Variants in THSD7A observed in about 807,000 individuals in gnomAD.
The protein encoded by THSD7A is thrombospondin type-1 domain-containing protein 7A.
A neutral mutation model predicts 231.3 loss-of-function variants in THSD7A; 96 were observed. That is an observed-to-expected ratio of 0.41 (90% CI 0.35 to 0.49). The LOEUF (loss-of-function observed/expected upper bound fraction) is 0.49. Among genes scored for constraint, THSD7A ranks in the 20% least tolerant of loss-of-function variants. The pLI, the probability that THSD7A is intolerant of heterozygous loss-of-function variation, is 0.05. For missense variants in THSD7A, 2,290 were observed against 2,070.2 expected, an observed-to-expected ratio of 1.11 and a Z score of -2.06; for synonymous variants, 940 against 743.3, an observed-to-expected ratio of 1.26 and a Z score of -4.30.
intron 2 of THSD7A, among the ~76,000 whole-genome samples, chr7:11,609,355 CACAATGTAATAAAAGA>C (rs1780843551): frequency 6.6e-6 from 1 of 151,926 alleles, no homozygotes; most frequent in Non-Finnish European, 1.5e-5. Context: ...CTTCATGGGA[CACAATGTAATAAAAGA>C]AAATCTAAAA....
chr7:11,470,892 C>T (rs1785911734), intron 8 of THSD7A, among the ~76,000 whole-genome samples: 2 of 151,808 alleles, frequency 1.3e-5, no homozygotes, highest in Non-Finnish European at 2.9e-5. Flanking sequence ...TATAAGCTTT[C>T]ACTTCTTAAG....
intron 1 of THSD7A, among the ~76,000 whole-genome samples, chr7:11,674,134 G>A (rs996794273): frequency 2.0e-5 from 3 of 151,978 alleles, no homozygotes; most frequent in African/African-American, 7.2e-5. Flanking sequence ...CCCTAAGGTA[G>A]GGTAGAGCAA....
chr7:11,829,987 C>A (rs1785147883), intron 1 of THSD7A, among the ~76,000 whole-genome samples: 1 of 152,120 alleles, frequency 6.6e-6, no homozygotes, highest in South Asian at 2.1e-4. Flanking sequence ...TTTTCACACA[C>A]TGCAGATAGG....
chr7:11,823,948 C>G (rs1336786271), intron 1 of THSD7A, among the ~76,000 whole-genome samples: 4 of 151,770 alleles, frequency 2.6e-5, no homozygotes, highest in African/African-American at 9.7e-5. Flanking sequence ...AAGATATAAA[C>G]AGTAGTGTTT....
Position 11,391,189 on chromosome 7 carries a change from C to T in THSD7A, c.4412-8573G>A, listed in dbSNP as rs1157733856. On this transcript the variant is annotated intron_variant, in intron 23 of 27. Transcript: ENST00000423059. ...GATGTTTAAGTCTGCCTAAGCTGCA[C>T]TCACAGTGCCCCTTGCCCCAGGTGC... Among the ~76,000 whole-genome samples the T allele has an allele frequency of 3.3e-5, 5 of 152,230 alleles. No homozygotes were observed. The East Asian group carries it at 9.6e-4, about 29-fold the overall frequency.
chr7:11,707,590 C>A (rs1010050148), intron 1 of THSD7A, among the ~76,000 whole-genome samples: 2 of 150,912 alleles, frequency 1.3e-5, no homozygotes, highest in Non-Finnish European at 1.5e-5. Context: ...GCCTGGCAGG[C>A]AAAACCATCA....
chr7:11,462,317 A>T (rs2128298598), intron 9 of THSD7A, among the ~76,000 whole-genome samples, 174 bp from the exon 10 acceptor site: 1 of 152,316 alleles, frequency 6.6e-6, no homozygotes, highest in South Asian at 2.1e-4. Context: ...TTATATCAAA[A>T]ACCCAATCAA....
At chr7:11,595,193 T>A (rs956022361) in intron 2 of THSD7A, among the ~76,000 whole-genome samples, 3 of 152,160 alleles carry the variant, frequency 2.0e-5, no homozygotes, top group African/African-American at 7.2e-5. Context: ...CCTGTTTGCT[T>A]CTAGACCTAC....
chr7:11,662,161 G>A (rs1205884354), intron 1 of THSD7A, among the ~76,000 whole-genome samples: 1 of 151,096 alleles, frequency 6.6e-6, no homozygotes, highest in Non-Finnish European at 1.5e-5. Context: ...GAATATCCCA[G>A]GTGGTCAGAT....
At chr7:11,544,623 A>G (rs1181290758) in intron 4 of THSD7A, among the ~76,000 whole-genome samples, 1 of 152,224 alleles carries the variant, frequency 6.6e-6, no homozygotes, top group East Asian at 1.9e-4. Flanking sequence ...TTGAAGACAA[A>G]TTGTAAGCAC....
At chr7:11,790,062 ATGT>A (rs1210737164) in intron 1 of THSD7A, among the ~76,000 whole-genome samples, 1 of 152,040 alleles carries the variant, frequency 6.6e-6, no homozygotes, top group Non-Finnish European at 1.5e-5. Context: ...TGAAAATTAA[ATGT>A]TGTGGAGATA....
chr7:11,822,347 T>A (rs973698562), intron 1 of THSD7A, among the ~76,000 whole-genome samples: 3 of 152,132 alleles, frequency 2.0e-5, no homozygotes, highest in African/African-American at 7.2e-5. Flanking sequence ...AGACCTCTAG[T>A]TCTATCCACA....
intron 16 of THSD7A, among the ~76,000 whole-genome samples, chr7:11,424,281 G>T (rs1372138611): frequency 6.6e-6 from 1 of 152,144 alleles, no homozygotes; most frequent in East Asian, 1.9e-4. Flanking sequence ...GGAACCAGCT[G>T]GGGGCTTCAG....
At chr7:11,493,899 G>A (rs554371129) in intron 6 of THSD7A, among the ~76,000 whole-genome samples, 10 of 151,994 alleles carry the variant, frequency 6.6e-5, no homozygotes, top group Middle Eastern at 6.8e-3. Flanking sequence ...GTATTTTGAC[G>A]AGTGTTAGGA....
At chr7:11,398,682 C>T (rs542697600) in intron 23 of THSD7A, among the ~76,000 whole-genome samples, 2 of 152,150 alleles carry the variant, frequency 1.3e-5, no homozygotes, top group African/African-American at 4.8e-5. Context: ...CAGACCCTGA[C>T]CCCAGCGATG....
intron 1 of THSD7A, among the ~76,000 whole-genome samples, chr7:11,680,772 C>T (rs576430569): frequency 6.6e-6 from 1 of 152,192 alleles, no homozygotes; most frequent in South Asian, 2.1e-4. Flanking sequence ...ATTAGCTCAA[C>T]CATTGGGGAA....
chr7:11,595,054 G>T (rs1212771325), intron 2 of THSD7A, among the ~76,000 whole-genome samples: 1 of 152,154 alleles, frequency 6.6e-6, no homozygotes, highest in Non-Finnish European at 1.5e-5. Context: ...AACCCATGCT[G>T]CCATCAGCCT....
chr7:11,530,693 C>G (rs62432826), intron 6 of THSD7A, among the ~76,000 whole-genome samples: 1 of 152,098 alleles, frequency 6.6e-6, no homozygotes, highest in African/African-American at 2.4e-5. Flanking sequence ...ATGGACTTCA[C>G]GCAGAAGGCA....
intron 1 of THSD7A, among the ~76,000 whole-genome samples, chr7:11,762,179 G>C (rs374449868): frequency 6.6e-6 from 1 of 152,088 alleles, no homozygotes; most frequent in East Asian, 1.9e-4. Context: ...CCTAACTTAG[G>C]ATTGTAAATA....
Sources: gnomAD v4.1 joint callset for allele counts (sites outside exome capture counted in the v4.1 genomes callset) on GRCh38, gnomAD v4.1.1 for gene constraint, MANE v1.5 for transcripts, NCBI Gene and HGNC (gene_info 2026-07-23, HGNC 2026-07-21) for gene names.